PDSS2: variants seen among roughly 807,000 people sequenced by gnomAD.
The protein encoded by PDSS2 is all trans-polyprenyl-diphosphate synthase PDSS2.
In PDSS2, 31 loss-of-function variants were observed where a neutral mutation model predicts 44.5. The ratio of observed to expected loss-of-function variants is 0.70; its 90% CI spans 0.52 to 0.94. The LOEUF (loss-of-function observed/expected upper bound fraction) is 0.94, where lower values mean the gene tolerates loss of function less well. Among genes scored for constraint, PDSS2 ranks in the 40% least tolerant of loss-of-function variants. The pLI is 0.00. For missense variants in PDSS2, 452 were observed against 482.2 expected (o/e 0.94, Z 0.59); for synonymous variants, 157 against 180.3 (o/e 0.87, Z 1.03).
In PDSS2 at chr6:107,212,102, A is replaced by G. The variant is rs918139087; in HGVS notation, c.876+7T>C. 1 of 1,612,642 alleles carries G rather than the reference A, an allele frequency of 6.2e-7. No homozygotes were observed. The highest frequency in any genetic ancestry group is 1.7e-4 in the Middle Eastern group (1 of 6,060). The stretch of plus-strand genomic sequence containing the variant: ...TACTGAAAAAAGATAAAGGGTGTGC[A>G]AAGTACCTTATGACTCATGGCCATG... On this transcript the variant is annotated splice_region_variant and intron_variant, in intron 5 of 7. Coordinates refer to ENST00000369037, the MANE Select transcript of PDSS2 (RefSeq NM_020381.4).
At chr6:107,189,569 C>T (rs1194155080) in intron 7 of PDSS2, among the ~76,000 whole-genome samples, 1 of 152,202 alleles carries the variant, frequency 6.6e-6, no homozygotes, top group Non-Finnish European at 1.5e-5. Context: ...AACTCCTAAC[C>T]TCAGGTGGTC....
chr6:107,177,069 A>G (rs538363538), intron 7 of PDSS2, among the ~76,000 whole-genome samples: 1 of 151,836 alleles, frequency 6.6e-6, no homozygotes, highest in East Asian at 2.0e-4. Flanking sequence ...AAATGGACGA[A>G]GTAATTCTTT....
chr6:107,280,828 G>A (rs1276184301), intron 2 of PDSS2, among the ~76,000 whole-genome samples: 1 of 152,174 alleles, frequency 6.6e-6, no homozygotes, highest in Non-Finnish European at 1.5e-5. Context: ...AGACAACGGA[G>A]CCTGCTTTCT....
intron 2 of PDSS2, among the ~76,000 whole-genome samples, chr6:107,283,294 C>A (rs1414163009): frequency 6.6e-6 from 1 of 151,652 alleles, no homozygotes; most frequent in Non-Finnish European, 1.5e-5. Context: ...ACACCGCACT[C>A]CAGCCTGGGC....
intron 3 of PDSS2, 44 bp downstream of exon 3, chr6:107,273,985 T>C (rs1298858350): frequency 6.6e-7 from 1 of 1,517,964 alleles, no homozygotes. Context: ...AACTAATTGC[T>C]ACCTGAAGCC....
chr6:107,184,605 A>G (rs1772100116), intron 7 of PDSS2, among the ~76,000 whole-genome samples: 2 of 152,356 alleles, frequency 1.3e-5, no homozygotes, highest in Admixed American at 6.5e-5. Flanking sequence ...AATGCATTTT[A>G]TAATAAAACA....
At chr6:107,209,537 C>T (rs188538830) in intron 6 of PDSS2, among the ~76,000 whole-genome samples, 5 of 148,720 alleles carry the variant, frequency 3.4e-5, no homozygotes, top group Admixed American at 2.7e-4. Flanking sequence ...TCTTTCAGAA[C>T]GCAGATACTC....
At chr6:107,160,798 T>G (rs1458428591) in intron 7 of PDSS2, among the ~76,000 whole-genome samples, 2 of 152,014 alleles carry the variant, frequency 1.3e-5, no homozygotes, top group Non-Finnish European at 2.9e-5. Context: ...ATGAAACAGC[T>G]TGCTGTTTCT....
At chr6:107,274,337 T>C (rs1033293157) in intron 2 of PDSS2, 110 bp from the exon 3 acceptor site, 26 of 822,896 alleles carry the variant, frequency 3.2e-5, no homozygotes, top group African/African-American at 2.9e-4. Context: ...CCCCACTTTT[T>C]TTTTTGGATT....
At chr6:107,256,032 C>T (rs146221320) in intron 3 of PDSS2, among the ~76,000 whole-genome samples, 3,360 of 152,060 alleles carry the variant, frequency 0.022, 54 homozygotes, top group Non-Finnish European at 0.036. Context: ...ACTCTGTCGC[C>T]CAGGCTGGAG....
chr6:107,359,471 A>C (rs1778698393), intron 1 of PDSS2, among the ~76,000 whole-genome samples: 1 of 151,842 alleles, frequency 6.6e-6, no homozygotes, highest in African/African-American at 2.4e-5. Flanking sequence ...AAAAATACAA[A>C]AAATTAGCTG....
rs548600232 is a variant in PDSS2 at position 107,305,032 on chromosome 6, C to G, written c.431+29166G>C. ...CCTTTCATAAACCTGTGAAAAATCACTGATTTAGACTTTCAGCAGAGCAGA... is the reference window on the plus strand; with the variant it reads ...CCTTTCATAAACCTGTGAAAAATCAGTGATTTAGACTTTCAGCAGAGCAGA... On this transcript the variant is annotated intron_variant, in intron 2 of 7. Transcript: ENST00000369037. 5.3e-5 allele frequency among the ~76,000 whole-genome samples: 8 copies of G among 152,074 alleles called. No individual in the cohort carries two copies. The South Asian group carries it at 1.7e-3, about 32-fold the overall frequency.
At chr6:107,232,151 T>C (rs1431007433) in intron 4 of PDSS2, among the ~76,000 whole-genome samples, 2 of 152,162 alleles carry the variant, frequency 1.3e-5, no homozygotes, top group Non-Finnish European at 2.9e-5. Flanking sequence ...AACAGAGTAA[T>C]AACTAAAACA....
intron 1 of PDSS2, among the ~76,000 whole-genome samples, chr6:107,363,374 T>C (rs556168761): frequency 6.6e-6 from 1 of 152,284 alleles, no homozygotes; most frequent in African/African-American, 2.4e-5. Flanking sequence ...CCTTCTGATG[T>C]TCAGATGTGT....
chr6:107,424,107 T>C (rs549868591), intron 1 of PDSS2, among the ~76,000 whole-genome samples: 40 of 138,124 alleles, frequency 2.9e-4, no homozygotes, highest in African/African-American at 1.0e-3. Flanking sequence ...AGTGGTGCAA[T>C]CACGGCTCAC....
intron 1 of PDSS2, among the ~76,000 whole-genome samples, chr6:107,413,265 G>A (rs1780559822): frequency 6.6e-6 from 1 of 152,198 alleles, no homozygotes. Flanking sequence ...ATGAGGGCCA[G>A]GTGTGGTGGC....
chr6:107,277,474 G>A (rs1775822482), intron 2 of PDSS2, among the ~76,000 whole-genome samples: 1 of 152,128 alleles, frequency 6.6e-6, no homozygotes, highest in South Asian at 2.1e-4. Flanking sequence ...ATTTTGAGAT[G>A]AAAGGATGAT....
At chr6:107,280,122 T>C (rs1434115311) in intron 2 of PDSS2, among the ~76,000 whole-genome samples, 1 of 152,180 alleles carries the variant, frequency 6.6e-6, no homozygotes, top group Non-Finnish European at 1.5e-5. Context: ...TGCAGTAACG[T>C]GATCTCGGCT....
intron 2 of PDSS2, among the ~76,000 whole-genome samples, chr6:107,280,600 A>G (rs770631482): frequency 6.6e-6 from 1 of 152,160 alleles, no homozygotes; most frequent in African/African-American, 2.4e-5. Flanking sequence ...AGGGTGGCAG[A>G]CATTGCTATT....
Sources: gnomAD v4.1 joint callset for allele counts (sites outside exome capture counted in the v4.1 genomes callset) on GRCh38, gnomAD v4.1.1 for gene constraint, MANE v1.5 for transcripts, NCBI Gene and HGNC (gene_info 2026-07-23, HGNC 2026-07-21) for gene names.